The following SLC35F3 variants were observed in gnomAD, a reference collection of about 807,000 sequenced individuals.
SLC35F3 encodes solute carrier family 35 member F3.
SLC35F3 carries 25 observed loss-of-function variants against 49.9 expected under a neutral mutation model. That is an observed-to-expected ratio of 0.50 (90% confidence interval 0.37 to 0.70). The LOEUF is 0.70. Ranked by LOEUF, SLC35F3 falls within the 30% of genes least tolerant of loss-of-function variation. The probability of loss-of-function intolerance (pLI) is 0.00; values close to 1 mark genes in which losing one functional copy is unlikely to be tolerated. For synonymous variants in SLC35F3, 275 were observed against 265.4 expected, an observed-to-expected ratio of 1.04 and a Z score of -0.35; for missense variants, 525 against 639.8, an observed-to-expected ratio of 0.82 and a Z score of 1.94.
intron 3 of SLC35F3, among the ~76,000 whole-genome samples, chr1:234,250,416 A>G (rs767469951): frequency 6.6e-5 from 10 of 152,150 alleles, no homozygotes; most frequent in African/African-American, 9.7e-5. Flanking sequence ...GCACTTTGGG[A>G]GGCCGAGGCG....
At position 234,084,009 on chromosome 1, in the gene SLC35F3, T is replaced by G. The variant is rs367725901; in HGVS notation, c.284-147408T>G. Among the ~76,000 whole-genome samples, 46 of 152,164 alleles carry G rather than the reference T, an allele frequency of 3.0e-4. No individual in the cohort carries two copies. The East Asian group carries it at 8.3e-3, about 27-fold the overall frequency. On this transcript the variant is annotated intron_variant, in intron 2 of 7. Coordinates refer to ENST00000366618, the MANE Select transcript of SLC35F3 (RefSeq NM_173508.4). ...TATGTCACCATGCCCGGCTAATTTT[T>G]TGTATTCTTAGTAGAGATGGGGTTT...
intron 2 of SLC35F3, among the ~76,000 whole-genome samples, chr1:233,946,988 T>C (rs553000609): frequency 1.9e-4 from 29 of 152,324 alleles, no homozygotes; most frequent in African/African-American, 6.5e-4. Flanking sequence ...CAAATGTCAT[T>C]GATAGATAAG....
intron 3 of SLC35F3, among the ~76,000 whole-genome samples, chr1:234,244,099 C>T (rs1667595153): frequency 6.6e-6 from 1 of 152,190 alleles, no homozygotes; most frequent in Non-Finnish European, 1.5e-5. Context: ...GCTAGCATGA[C>T]ATTGATTAGT....
intron 2 of SLC35F3, among the ~76,000 whole-genome samples, chr1:233,932,644 C>A (rs1469647914): frequency 6.6e-6 from 1 of 152,092 alleles, no homozygotes; most frequent in Non-Finnish European, 1.5e-5. Flanking sequence ...ATTTAAAAAT[C>A]TCTTAAAAAG....
intron 2 of SLC35F3, among the ~76,000 whole-genome samples, chr1:233,913,095 G>A (rs904079007): frequency 6.6e-6 from 1 of 152,184 alleles, no homozygotes; most frequent in Non-Finnish European, 1.5e-5. Context: ...TGCAGTGCCT[G>A]GGGAGCCCTT....
chr1:234,227,392 C>CTTTTTTTTTTTT (rs369277069), intron 2 of SLC35F3, among the ~76,000 whole-genome samples: 23 of 108,664 alleles, frequency 2.1e-4, no homozygotes, highest in Non-Finnish European at 4.0e-4. Context: ...CTCTTTCTTT[C>CTTTTTTTTTTTT]TTTTTTTTTT....
chr1:234,287,218 TA>T (rs1295060152), intron 3 of SLC35F3, among the ~76,000 whole-genome samples: 9 of 151,862 alleles, frequency 5.9e-5, no homozygotes, highest in South Asian at 2.1e-4. Context: ...AATAAAAATT[TA>T]AAAAGCAACT....
intron 2 of SLC35F3, among the ~76,000 whole-genome samples, chr1:234,199,472 C>T (rs1666869898): frequency 6.6e-6 from 1 of 152,120 alleles, no homozygotes. Flanking sequence ...TTATCTCAGA[C>T]ATTATATACA....
At chr1:234,121,945 T>C (rs1558235374) in intron 2 of SLC35F3, among the ~76,000 whole-genome samples, 1 of 135,512 alleles carries the variant, frequency 7.4e-6, no homozygotes, top group Non-Finnish European at 1.6e-5. Context: ...TACCACACTT[T>C]CTTAATCCAG....
At chr1:234,045,506 A>C (rs911811167) in intron 2 of SLC35F3, among the ~76,000 whole-genome samples, 3 of 152,188 alleles carry the variant, frequency 2.0e-5, no homozygotes, top group Non-Finnish European at 4.4e-5. Context: ...AGTAATCTTA[A>C]GTAACTTGCC....
intron 2 of SLC35F3, among the ~76,000 whole-genome samples, chr1:234,033,447 G>A (rs1664091569): frequency 6.6e-6 from 1 of 152,174 alleles, no homozygotes; most frequent in South Asian, 2.1e-4. Flanking sequence ...ATGTCTAGAA[G>A]GGTTTTTCCA....
At chr1:234,126,896 T>C (rs1665656722) in intron 2 of SLC35F3, among the ~76,000 whole-genome samples, 1 of 151,988 alleles carries the variant, frequency 6.6e-6, no homozygotes, top group Non-Finnish European at 1.5e-5. Flanking sequence ...GGGGTCTCAC[T>C]ATGTTGCTTA....
intron 3 of SLC35F3, among the ~76,000 whole-genome samples, chr1:234,305,589 TG>T (rs760982502): frequency 2.6e-5 from 4 of 152,110 alleles, no homozygotes; most frequent in Non-Finnish European, 5.9e-5. Flanking sequence ...TTCACCATGT[TG>T]GTCAGGCTGG....
At position 234,112,556 on chromosome 1, in the gene SLC35F3, C is replaced by CTTTTTTTTT. The variant is rs777353110; in HGVS notation, c.284-118852_284-118844dup. On this transcript the variant is annotated intron_variant, in intron 2 of 7. Transcript: ENST00000366618. ...TTTTGTGAAGTTTATAATTCACACT[C>CTTTTTTTTT]TTTTTTTTTTTTTTTTTGAGACAGA... Among the ~76,000 whole-genome samples the CTTTTTTTTT allele has an allele frequency of 3.3e-3, 383 of 116,324 alleles. 16 individuals are homozygous for CTTTTTTTTT. Among genetic ancestry groups the CTTTTTTTTT allele is most frequent in the South Asian group, 5.0e-3 (15 of 2,980 alleles). The allele number at this position is 116,324 out of a possible 152,430, so 76.3% of individuals were successfully genotyped here.
chr1:233,905,231 G>C, intron 1 of SLC35F3, 101 bp downstream of exon 1: 1 of 1,298,366 alleles, frequency 7.7e-7, no homozygotes. Context: ...CTGAGGCTCG[G>C]GGAAGGGCGG....
intron 2 of SLC35F3, among the ~76,000 whole-genome samples, chr1:233,937,368 C>T (rs775851466): frequency 6.6e-6 from 1 of 152,206 alleles, no homozygotes; most frequent in Non-Finnish European, 1.5e-5. Flanking sequence ...CTGTTAAAAT[C>T]AAGATGTGAT....
chr1:234,316,567 A>G lies in SLC35F3; in HGVS notation c.829-35A>G, dbSNP rs753238513. 51 of 1,584,416 alleles carry G rather than the reference A, an allele frequency of 3.2e-5. No individual in the cohort carries two copies. In the African/African-American group the frequency reaches 6.2e-4, roughly 19 times the overall value. On this transcript the variant is annotated intron_variant, in intron 4 of 7. Coordinates refer to ENST00000366618, the MANE Select transcript of SLC35F3 (RefSeq NM_173508.4). ...GCATACTCCCTCTGACTCCGTCCCG[A>G]CTTCCCTGACCAGCATTTTCTTCCG...
intron 2 of SLC35F3, among the ~76,000 whole-genome samples, chr1:234,053,203 C>CTGTT (rs1464729616): frequency 6.6e-6 from 1 of 152,152 alleles, no homozygotes; most frequent in Non-Finnish European, 1.5e-5. Context: ...TGTTAACTTT[C>CTGTT]TGTCTCGTTG....
At chr1:234,304,324 A>G (rs948681299) in intron 3 of SLC35F3, among the ~76,000 whole-genome samples, 1 of 151,938 alleles carries the variant, frequency 6.6e-6, no homozygotes, top group African/African-American at 2.4e-5. Context: ...ACCACACCAG[A>G]TAATTTTTAT....
Sources: allele counts gnomAD v4.1 joint callset (sites outside exome capture counted in the v4.1 genomes callset), GRCh38; gene constraint gnomAD v4.1.1; transcripts MANE v1.5; gene names NCBI Gene and HGNC (gene_info 2026-07-23, HGNC 2026-07-21).